Variants in HECW1 observed in about 807,000 individuals in gnomAD.
HECW1 encodes E3 ubiquitin-protein ligase HECW1.
A neutral mutation model predicts 182.3 loss-of-function variants in HECW1; 61 were observed. That is an observed-to-expected ratio of 0.33 (90% CI 0.27 to 0.41). HECW1 has a LOEUF of 0.41. Among genes scored for constraint, HECW1 ranks in the 10% least tolerant of loss-of-function variants. HECW1 has a pLI of 1.00. For missense variants in HECW1, 1,739 were observed against 2,108.9 expected (o/e 0.82, Z 3.44); for synonymous variants, 859 against 832.6 (o/e 1.03, Z -0.55).
chr7:43,540,002 A>G (rs1015750649), intron 24 of HECW1, among the ~76,000 whole-genome samples: 1 of 152,212 alleles, frequency 6.6e-6, no homozygotes, highest in South Asian at 2.1e-4. Flanking sequence ...TAGCACTTTC[A>G]CTGAGGTTTT....
intron 5 of HECW1, among the ~76,000 whole-genome samples, chr7:43,339,413 T>G (rs978057): frequency 0.18 from 27,116 of 152,230 alleles, 3,203 homozygotes; most frequent in Non-Finnish European, 0.27. Context: ...ATAAAGTTCC[T>G]AATTTCAGCT....
At chr7:43,187,749 A>G (rs1793542840) in intron 2 of HECW1, among the ~76,000 whole-genome samples, 3 of 152,272 alleles carry the variant, frequency 2.0e-5, no homozygotes, top group Admixed American at 2.0e-4. Context: ...TTCTCACCCA[A>G]TTCGACCAAA....
At chr7:43,215,407 G>A (rs907157134) in intron 2 of HECW1, among the ~76,000 whole-genome samples, 1 of 152,254 alleles carries the variant, frequency 6.6e-6, no homozygotes. Flanking sequence ...CCTACGTAAT[G>A]CTATGGATTC....
intron 2 of HECW1, among the ~76,000 whole-genome samples, chr7:43,185,222 A>C (rs568169867): frequency 2.0e-5 from 3 of 152,200 alleles, no homozygotes; most frequent in African/African-American, 7.2e-5. Context: ...GCACACCTAG[A>C]GAGGGCATGG....
intron 24 of HECW1, among the ~76,000 whole-genome samples, chr7:43,520,434 G>A (rs561409604): frequency 3.3e-5 from 5 of 152,012 alleles, no homozygotes; most frequent in East Asian, 1.9e-4. Context: ...CCCTCCCCAC[G>A]CTTCCTTAGG....
chr7:43,371,275 ACCACT>A (rs1817327989), intron 6 of HECW1, among the ~76,000 whole-genome samples: 1 of 152,192 alleles, frequency 6.6e-6, no homozygotes, highest in Admixed American at 6.5e-5. Flanking sequence ...ACTAACAGTA[ACCACT>A]GATGGGAAGT....
intron 3 of HECW1, among the ~76,000 whole-genome samples, chr7:43,255,596 TAA>T (rs72259446): frequency 9.2e-4 from 108 of 117,154 alleles, no homozygotes; most frequent in African/African-American, 2.6e-3. Context: ...AAACTCTGTC[TAA>T]AAAAAAAAAA....
chr7:43,240,231 G>T (rs1255966910), intron 2 of HECW1, among the ~76,000 whole-genome samples: 1 of 152,194 alleles, frequency 6.6e-6, no homozygotes, highest in East Asian at 1.9e-4. Context: ...CTAGCTACTC[G>T]GGAGGCTGAG....
Position 43,279,000 on chromosome 7 carries a change from T to C in HECW1, c.28-32763T>C, listed in dbSNP as rs536656215. On this transcript the variant is annotated intron_variant, in intron 3 of 29. Coordinates refer to ENST00000395891, the MANE Select transcript of HECW1 (RefSeq NM_015052.5). ...TATCTGGAGTGCCTAGCATAGTCCC[T>C]GGCTTACAGGAAGTCAGTTGCATAA... Among the ~76,000 whole-genome samples the C allele has an allele frequency of 6.6e-5, 10 of 152,338 alleles. No homozygotes were observed. In the East Asian group the frequency reaches 1.5e-3, roughly 23 times the overall value.
chr7:43,514,468 T>C (rs1296404521), intron 24 of HECW1, among the ~76,000 whole-genome samples: 2 of 152,262 alleles, frequency 1.3e-5, no homozygotes, highest in South Asian at 2.1e-4. Context: ...TTTGTATTTT[T>C]AGTAGAGACG....
chr7:43,440,538 A>T lies in HECW1; in HGVS notation c.945-1991A>T, dbSNP rs2076853328. 3 of 152,218 alleles carry T rather than the reference A, an allele frequency of 2.0e-5. No individual in the cohort carries two copies. The South Asian group carries it at 6.2e-4, about 32-fold the overall frequency. The allele number at this position is 152,218 out of a possible 1,614,324, so 9.4% of individuals were successfully genotyped here. A position where few individuals can be genotyped will look rare whatever the true frequency, so the allele number is the denominator to read the frequency against. On this transcript the variant is annotated intron_variant, in intron 9 of 29. Coordinates refer to ENST00000395891, the MANE Select transcript of HECW1 (RefSeq NM_015052.5). ...GGCGATGTATGACATGCTTTGTATC[A>T]ACTGCAGCACCTTTCACATGGCAGG...
rs1815808647 is a variant in HECW1 at position 43,360,990 on chromosome 7, A to T, written c.555+10A>T. The T allele has an allele frequency of 6.3e-7, 1 of 1,594,680 alleles. No homozygotes were observed. The highest frequency in any genetic ancestry group is 1.7e-5 in the Admixed American group (1 of 58,370). On this transcript the variant is annotated intron_variant, in intron 6 of 29. Coordinates refer to ENST00000395891, the MANE Select transcript of HECW1 (RefSeq NM_015052.5). Reference sequence around the variant, plus strand: ...AAACTCGGCAGCTCCTGTAAGTCTCATTTCTCCGTCTTTGGTTAGACCTAA... The same window carrying T: ...AAACTCGGCAGCTCCTGTAAGTCTCTTTTCTCCGTCTTTGGTTAGACCTAA...
intron 29 of HECW1, among the ~76,000 whole-genome samples, chr7:43,561,096 G>C (rs11981087): frequency 0.26 from 38,940 of 152,146 alleles, 5,400 homozygotes; most frequent in African/African-American, 0.35. Flanking sequence ...CTGCTGGAGA[G>C]CCACATGAGT....
At chr7:43,402,125 C>A (rs1025245504) in intron 7 of HECW1, among the ~76,000 whole-genome samples, 3 of 152,158 alleles carry the variant, frequency 2.0e-5, no homozygotes, top group Admixed American at 6.5e-5. Context: ...TCACTGAAAC[C>A]CCTGCATTCA....
At chr7:43,347,993 G>A (rs1813901801) in intron 5 of HECW1, among the ~76,000 whole-genome samples, 1 of 152,106 alleles carries the variant, frequency 6.6e-6, no homozygotes, top group Admixed American at 6.5e-5. Flanking sequence ...TTTTGGTTAA[G>A]TCCTTTCCTG....
intron 26 of HECW1, among the ~76,000 whole-genome samples, chr7:43,544,442 A>G (rs2081479894): frequency 1.3e-5 from 2 of 152,246 alleles, no homozygotes; most frequent in Admixed American, 6.5e-5. Context: ...CCTCATTAGA[A>G]TGTCAAGAAT....
chr7:43,304,773 C>T (rs949638052), intron 3 of HECW1, among the ~76,000 whole-genome samples: 3 of 152,186 alleles, frequency 2.0e-5, no homozygotes, highest in African/African-American at 4.8e-5. Flanking sequence ...GGATTACAGG[C>T]GTGAGCCATA....
intron 4 of HECW1, among the ~76,000 whole-genome samples, chr7:43,320,184 G>A (rs141921389): frequency 7.9e-4 from 121 of 152,318 alleles, no homozygotes; most frequent in African/African-American, 2.8e-3. Flanking sequence ...CAGGTGGGAG[G>A]AGAGATGATT....
chr7:43,301,139 T>A (rs1178590326), intron 3 of HECW1, among the ~76,000 whole-genome samples: 1 of 152,162 alleles, frequency 6.6e-6, no homozygotes, highest in Non-Finnish European at 1.5e-5. Context: ...AAGGTCTTAT[T>A]TCTTGGTGTG....
Sources: gnomAD v4.1 joint callset for allele counts (sites outside exome capture counted in the v4.1 genomes callset) on GRCh38, gnomAD v4.1.1 for gene constraint, MANE v1.5 for transcripts, NCBI Gene and HGNC (gene_info 2026-07-23, HGNC 2026-07-21) for gene names.